Variants in THRB observed in about 807,000 individuals in gnomAD.
The protein encoded by THRB is nuclear receptor subfamily 1 group A member 2.
In THRB, 12 loss-of-function variants were observed where a neutral mutation model predicts 47.8. The observed-to-expected ratio is 0.25, with a 90% CI of 0.16 to 0.41. THRB has a LOEUF of 0.41. Among genes scored for constraint, THRB ranks in the 10% least tolerant of loss-of-function variants. THRB has a pLI of 1.00. For synonymous variants in THRB, 218 were observed against 212.2 expected (o/e 1.03, Z -0.24); for missense variants, 348 against 589.2 (o/e 0.59, Z 4.24).
At chr3:24,368,318 T>C (rs1228349253) in intron 1 of THRB, among the ~76,000 whole-genome samples, 1 of 152,142 alleles carries the variant, frequency 6.6e-6, no homozygotes, top group Non-Finnish European at 1.5e-5. Flanking sequence ...TGTGACAAGA[T>C]GACCATGGCA....
chr3:24,368,417 A>T (rs1356436685), intron 1 of THRB, among the ~76,000 whole-genome samples: 1 of 152,164 alleles, frequency 6.6e-6, no homozygotes, highest in African/African-American at 2.4e-5. Flanking sequence ...TGTACCATTA[A>T]TAAGACATTA....
upstream of THRB, chr3:24,495,612 T>C (rs1408828799): frequency 6.6e-6 from 1 of 152,266 alleles, no homozygotes; most frequent in Non-Finnish European, 1.5e-5. Flanking sequence ...TTGGGCGTCA[T>C]TACTCTAGTT....
chr3:24,328,194 C>T (rs910265211), intron 2 of THRB, among the ~76,000 whole-genome samples: 1 of 152,076 alleles, frequency 6.6e-6, no homozygotes, highest in African/African-American at 2.4e-5. Flanking sequence ...AATGACACAA[C>T]GTCTTGTAAA....
chr3:24,433,931 C>T (rs2070698330), intron 1 of THRB, among the ~76,000 whole-genome samples: 1 of 152,164 alleles, frequency 6.6e-6, no homozygotes, highest in African/African-American at 2.4e-5. Flanking sequence ...GCCTCTATCC[C>T]TCAGCTATAA....
At chr3:24,262,010 A>T (rs965369388) in intron 3 of THRB, among the ~76,000 whole-genome samples, 1 of 152,172 alleles carries the variant, frequency 6.6e-6, no homozygotes, top group Non-Finnish European at 1.5e-5. Flanking sequence ...AATATTATTC[A>T]TAAGGTTACA....
chr3:24,198,454 C>A (rs1327851614), intron 4 of THRB, among the ~76,000 whole-genome samples: 13 of 2,688 alleles, frequency 4.8e-3, no homozygotes, highest in African/African-American at 0.023. Context: ...CTCCCCCCGC[C>A]CCCCCCCCCC....
chr3:24,168,261 C>T (rs1416179170), intron 5 of THRB, among the ~76,000 whole-genome samples: 1 of 152,042 alleles, frequency 6.6e-6, no homozygotes, highest in African/African-American at 2.4e-5. Context: ...ACATCTGTCA[C>T]CTGTGATTCA....
intron 5 of THRB, among the ~76,000 whole-genome samples, chr3:24,184,028 G>A (rs2149503580): frequency 6.6e-6 from 1 of 152,214 alleles, no homozygotes; most frequent in Admixed American, 6.5e-5. Context: ...CAAGTTTGAT[G>A]TATATCTGGG....
chr3:24,122,792 C>T lies in THRB; in HGVS notation c.*92G>A, dbSNP rs1447597376. 23 of 1,582,572 alleles carry T rather than the reference C, an allele frequency of 1.5e-5. No homozygotes were observed. Among genetic ancestry groups the T allele is most frequent in the East Asian group, 2.2e-5 (1 of 44,742 alleles). On this transcript the variant is annotated 3_prime_UTR_variant, in exon 11 of 11. Transcript: ENST00000646209. ...CTTTTCCCTCCCAAATAATCCCTCC[C>T]AACACAAAGAAACAAACAAAAAAGA...
Position 24,146,688 on chromosome 3 carries a change from G to A in THRB, c.519C>T (p.Gly173=). The change falls in exon 7 of 11, where the codon GGC becomes GGT. Residue 173 remains glycine (G), a synonymous_variant. Transcript: ENST00000646209. ...AGATCTACTTACAATCTGTTGCCATGCCAACATAGATGCATTTCTTAAAGC... is the reference window on the plus strand; with the variant it reads ...AGATCTACTTACAATCTGTTGCCATACCAACATAGATGCATTTCTTAAAGC... ...ECRFKKCIYV[G]MATDLVLDDS... is the part of the protein sequence containing the mutation. 6.2e-7 allele frequency: 1 copy of A among 1,614,126 alleles called. No individual in the cohort carries two copies. Among genetic ancestry groups the A allele is most frequent in the East Asian group, 2.2e-5 (1 of 44,880 alleles).
intron 1 of THRB, among the ~76,000 whole-genome samples, chr3:24,353,202 T>C (rs534550786): frequency 6.6e-6 from 1 of 152,228 alleles, no homozygotes; most frequent in Admixed American, 6.5e-5. Context: ...CTTTGTCTTG[T>C]ATATTTTTTT....
intron 1 of THRB, among the ~76,000 whole-genome samples, chr3:24,462,484 G>A (rs1322954846): frequency 2.0e-5 from 3 of 152,166 alleles, no homozygotes; most frequent in Admixed American, 6.5e-5. Context: ...GTATTGCCGA[G>A]GTCATAGCCC....
chr3:24,250,901 C>T (rs1393976193), intron 3 of THRB, among the ~76,000 whole-genome samples: 1 of 151,400 alleles, frequency 6.6e-6, no homozygotes, highest in African/African-American at 2.4e-5. Flanking sequence ...CAGAATACTG[C>T]AAAAATAGAA....
intron 4 of THRB, among the ~76,000 whole-genome samples, chr3:24,194,232 T>C (rs1480483723): frequency 6.6e-6 from 1 of 152,116 alleles, no homozygotes; most frequent in Admixed American, 6.5e-5. Context: ...AACTTATTCA[T>C]GAAACCAAAC....
At chr3:24,214,808 G>A (rs1218756404) in intron 4 of THRB, among the ~76,000 whole-genome samples, 2 of 152,190 alleles carry the variant, frequency 1.3e-5, no homozygotes, top group Admixed American at 6.5e-5. Flanking sequence ...CAATGGAAAG[G>A]CCACCAGTCT....
At chr3:24,427,215 C>T (rs1018066908) in intron 1 of THRB, among the ~76,000 whole-genome samples, 2 of 151,882 alleles carry the variant, frequency 1.3e-5, no homozygotes, top group Non-Finnish European at 2.9e-5. Flanking sequence ...AAATGAATAC[C>T]CAGTGTTTTT....
In THRB at chr3:24,224,266, C is replaced by T. The variant is rs149390749; in HGVS notation, c.22+4672G>A. ...CAATATGTAATAAATATGTATTCATCGTATATTATTTATAACAATATTATG... is the reference window on the plus strand; with the variant it reads ...CAATATGTAATAAATATGTATTCATTGTATATTATTTATAACAATATTATG... On this transcript the variant is annotated intron_variant, in intron 4 of 10. Coordinates refer to ENST00000646209, the MANE Select transcript of THRB (RefSeq NM_001354712.2). 9.9e-5 allele frequency among the ~76,000 whole-genome samples: 15 copies of T among 152,144 alleles called. No homozygotes were observed. The South Asian group carries it at 1.7e-3, about 17-fold the overall frequency.
At chr3:24,350,625 C>T (rs140214686) in intron 1 of THRB, among the ~76,000 whole-genome samples, 3 of 152,152 alleles carry the variant, frequency 2.0e-5, no homozygotes, top group African/African-American at 7.2e-5. Context: ...GGTTTTAGAA[C>T]TCCAGGGAGT....
At chr3:24,278,986 C>G (rs74417927) in intron 3 of THRB, among the ~76,000 whole-genome samples, 3 of 151,964 alleles carry the variant, frequency 2.0e-5, no homozygotes, top group Non-Finnish European at 2.9e-5. Context: ...TTAGGACTAC[C>G]GGTGCATACT....
Sources: gnomAD v4.1 joint callset for allele counts (sites outside exome capture counted in the v4.1 genomes callset) on GRCh38, gnomAD v4.1.1 for gene constraint, MANE v1.5 for transcripts, NCBI Gene and HGNC (gene_info 2026-07-23, HGNC 2026-07-21) for gene names.